The following RPS6KA2 variants were observed in gnomAD, a reference collection of about 807,000 sequenced individuals.
The protein encoded by RPS6KA2 is ribosomal protein S6 kinase alpha-2.
A neutral mutation model predicts 91.8 loss-of-function variants in RPS6KA2; 42 were observed. That is an observed-to-expected ratio of 0.46 (90% CI 0.36 to 0.59). The LOEUF (loss-of-function observed/expected upper bound fraction) is 0.59. Ranked by LOEUF, RPS6KA2 falls within the 20% of genes least tolerant of loss-of-function variation. RPS6KA2 has a pLI of 0.00. For synonymous variants in RPS6KA2, 414 were observed against 393.6 expected (o/e 1.05, Z -0.61); for missense variants, 798 against 978.5 (o/e 0.82, Z 2.46).
In RPS6KA2 at chr6:166,438,118, T is replaced by G. The variant is rs142392022; in HGVS notation, c.1333-5628A>C. On this transcript the variant is annotated intron_variant, in intron 14 of 20. Transcript: ENST00000265678. ...AGAGCATGTAATCATTTGTAAAATT[T>G]AACAGACACCTTCTCCTGTAAAATT... is the stretch of plus-strand genomic sequence containing the variant. 3.8e-4 allele frequency among the ~76,000 whole-genome samples: 58 copies of G among 152,354 alleles called. No individual in the cohort carries two copies. The East Asian group carries it at 0.011, about 28-fold the overall frequency.
chr6:166,808,127 C>T (rs940006506), intron 2 of RPS6KA2, among the ~76,000 whole-genome samples: 10 of 152,306 alleles, frequency 6.6e-5, no homozygotes, highest in African/African-American at 2.4e-4. Flanking sequence ...ACAACAAGGC[C>T]AAGCTCCCCG....
At chr6:166,708,375 G>A (rs534866232) in intron 2 of RPS6KA2, among the ~76,000 whole-genome samples, 121 of 152,234 alleles carry the variant, frequency 7.9e-4, no homozygotes, top group African/African-American at 2.8e-3. Flanking sequence ...ACTGCAAAGT[G>A]GTTTTTCCTG....
At chr6:166,657,124 C>A (rs1206256359) in intron 2 of RPS6KA2, among the ~76,000 whole-genome samples, 4 of 152,150 alleles carry the variant, frequency 2.6e-5, no homozygotes, top group Non-Finnish European at 5.9e-5. Context: ...CCAGCCGCAC[C>A]TGGCGCCAGG....
chr6:166,807,331 A>G (rs893927949), intron 2 of RPS6KA2, among the ~76,000 whole-genome samples: 4 of 152,088 alleles, frequency 2.6e-5, no homozygotes, highest in African/African-American at 9.7e-5. Context: ...AGCCTTTGGT[A>G]TCAATCCCTC....
intron 14 of RPS6KA2, among the ~76,000 whole-genome samples, chr6:166,442,521 C>T (rs905943616): frequency 1.3e-5 from 2 of 152,170 alleles, no homozygotes; most frequent in Admixed American, 6.5e-5. Flanking sequence ...ACATACAGAG[C>T]GCTTATAGCA....
Position 166,448,915 on chromosome 6 carries a change from G to A in RPS6KA2, c.1207-66C>T, listed in dbSNP as rs1779764442. On this transcript the variant is annotated intron_variant, in intron 13 of 20. Transcript: ENST00000265678. The surrounding 1 kb of genome is among the most constrained non-coding windows in gnomAD (Gnocchi z 4.7). ...ACACGAGGGGACGGTGCAGCTACAC[G>A]CACACAGAATGTGGGGCGAAGAGAG... The A allele has an allele frequency of 3.8e-6, 6 of 1,584,192 alleles. No individual in the cohort carries two copies. Among genetic ancestry groups the A allele is most frequent in the Non-Finnish European group, 5.2e-6 (6 of 1,158,994 alleles).
chr6:166,414,020 A>G (rs1778413319), intron 19 of RPS6KA2, 89 bp from the exon 20 acceptor site: 5 of 1,225,846 alleles, frequency 4.1e-6, no homozygotes, highest in Middle Eastern at 2.1e-4. Flanking sequence ...CTCTCCCTCT[A>G]TGGCAACACC....
intron 2 of RPS6KA2, among the ~76,000 whole-genome samples, chr6:166,818,101 ATGGGATATTCTCCATG>A: frequency 6.6e-6 from 1 of 152,210 alleles, no homozygotes; most frequent in East Asian, 1.9e-4. Flanking sequence ...CTCTTTAGAA[ATGGGATATTCTCCATG>A]ACAATAATAT....
intron 2 of RPS6KA2, among the ~76,000 whole-genome samples, chr6:166,738,404 A>G (rs1181197424): frequency 6.6e-6 from 1 of 152,150 alleles, no homozygotes; most frequent in Non-Finnish European, 1.5e-5. Context: ...GGAGAAGAAA[A>G]GGGTCTAAGG....
rs577022688 is a variant in RPS6KA2 at position 166,706,400 on chromosome 6, A to C, written c.123+151800T>G. Reference sequence around the variant, plus strand: ...TCCTCAACTCAGTCAATGTAACCAGAAGAAATAAAATGAGGAGAAGACAAT... The same window carrying C: ...TCCTCAACTCAGTCAATGTAACCAGCAGAAATAAAATGAGGAGAAGACAAT... On this transcript the variant is annotated intron_variant, in intron 2 of 21. Coordinates refer to the RPS6KA2 transcript ENST00000503859. Among the ~76,000 whole-genome samples, 29 of 152,358 alleles carry C rather than the reference A, an allele frequency of 1.9e-4. 1 individual carries two copies. The East Asian group carries it at 5.6e-3, about 29-fold the overall frequency.
At chr6:166,689,632 G>T (rs1341503478) in intron 2 of RPS6KA2, among the ~76,000 whole-genome samples, 4 of 152,184 alleles carry the variant, frequency 2.6e-5, no homozygotes, top group African/African-American at 9.7e-5. Flanking sequence ...AGGCCAGGGG[G>T]ACCTAGTGGG....
At chr6:166,765,647 G>C (rs1778291885) in intron 2 of RPS6KA2, among the ~76,000 whole-genome samples, 1 of 152,188 alleles carries the variant, frequency 6.6e-6, no homozygotes, top group South Asian at 2.1e-4. Flanking sequence ...TGGTGTAGAA[G>C]GTGTAAGATG....
At chr6:166,617,466 A>G (rs932351170) in intron 1 of RPS6KA2, among the ~76,000 whole-genome samples, 2 of 152,184 alleles carry the variant, frequency 1.3e-5, no homozygotes, top group Admixed American at 6.5e-5. Context: ...CATTTTTTCT[A>G]CAGAAAATTT....
chr6:166,429,426 T>TA (rs925370367), intron 16 of RPS6KA2, among the ~76,000 whole-genome samples: 21 of 151,960 alleles, frequency 1.4e-4, no homozygotes, highest in African/African-American at 3.9e-4. Context: ...ACCTAAAACT[T>TA]AAAGTATAAT....
At chr6:166,471,139 C>G (rs1780752516) in intron 10 of RPS6KA2, among the ~76,000 whole-genome samples, 1 of 152,230 alleles carries the variant, frequency 6.6e-6, no homozygotes, top group Non-Finnish European at 1.5e-5. Context: ...CCATGTATGC[C>G]CCTTCGTGGA....
At chr6:166,455,696 C>T (rs113618328) in intron 12 of RPS6KA2, among the ~76,000 whole-genome samples, 3 of 152,196 alleles carry the variant, frequency 2.0e-5, no homozygotes, top group African/African-American at 4.8e-5. Flanking sequence ...GGCTCTGCTT[C>T]GCGGCACACG....
chr6:166,731,448 G>A (rs1244837834), intron 2 of RPS6KA2, among the ~76,000 whole-genome samples: 1 of 151,142 alleles, frequency 6.6e-6, no homozygotes, highest in South Asian at 2.1e-4. Flanking sequence ...AAGGGGGAAG[G>A]AGGGGCGTGG....
chr6:166,567,081 G>T (rs572398397), intron 1 of RPS6KA2, among the ~76,000 whole-genome samples: 1 of 152,336 alleles, frequency 6.6e-6, no homozygotes, highest in African/African-American at 2.4e-5. Flanking sequence ...AACAATCCAT[G>T]ATGAGCCACT....
chr6:166,535,116 C>T (rs1003401918), intron 2 of RPS6KA2, among the ~76,000 whole-genome samples: 1 of 152,216 alleles, frequency 6.6e-6, no homozygotes, highest in South Asian at 2.1e-4. Flanking sequence ...ACCCAGTGGG[C>T]GCTGTGTGTG....
Sources: gnomAD v4.1 joint callset for allele counts (sites outside exome capture counted in the v4.1 genomes callset) on GRCh38, gnomAD v4.1.1 for gene constraint, Gnocchi (gnomAD v3.1) non-coding constraint, MANE v1.5 for transcripts, NCBI Gene and HGNC (gene_info 2026-07-23, HGNC 2026-07-21) for gene names.